The following PTPRH variants were observed in gnomAD, a reference collection of about 807,000 sequenced individuals.
The protein encoded by PTPRH is receptor-type tyrosine-protein phosphatase H.
Under a neutral mutation model 130.2 loss-of-function variants are expected in PTPRH, and 113 were observed. The ratio of observed to expected loss-of-function variants is 0.87; its 90% CI spans 0.75 to 1.01. The LOEUF (loss-of-function observed/expected upper bound fraction) is 1.01, where lower values mean the gene tolerates loss of function less well. Ranked by LOEUF, PTPRH falls within the 50% of genes least tolerant of loss-of-function variation. The probability of loss-of-function intolerance (pLI) is 0.00; values close to 1 mark genes in which losing one functional copy is unlikely to be tolerated. For missense variants in PTPRH, 1,430 were observed against 1,425.0 expected (o/e 1.00, Z -0.06); for synonymous variants, 556 against 577.9 (o/e 0.96, Z 0.54).
chr19:55,181,851 GCTGA>G lies in PTPRH; in HGVS notation c.3247_3250del (p.Ser1083ProfsTer34). 6.2e-7 allele frequency: 1 copy of G among 1,614,196 alleles called. No homozygotes were observed. Among genetic ancestry groups the G allele is most frequent in the Non-Finnish European group, 8.5e-7 (1 of 1,180,034 alleles). On this transcript the variant is annotated frameshift_variant, in exon 20 of 20. Coordinates refer to ENST00000376350, the MANE Select transcript of PTPRH (RefSeq NM_002842.5). LOFTEE classifies it low-confidence loss of function (END_TRUNC). ...GACTTCCTTCTCGGCTGGGGCCTGG[GCTGA>G]CTGTTGGAGGAACCGCAGGATGCAC...
At chr19:55,190,593 T>TTTATATA (rs559000975) in intron 12 of PTPRH, among the ~76,000 whole-genome samples, 2 of 135,402 alleles carry the variant, frequency 1.5e-5, no homozygotes, top group Admixed American at 8.3e-5. Context: ...ATATTATAAA[T>TTTATATA]TTATATATTA....
rs369408108 is a variant in PTPRH, at chr19:55,184,060, G to A, written c.3062+1442C>T. Reference sequence around the variant, plus strand: ...AGCACTTTGGGAGGCCGAGGTGGTCGGATCACTTGAGGTTGGGAGTTTGAG... The same window carrying A: ...AGCACTTTGGGAGGCCGAGGTGGTCAGATCACTTGAGGTTGGGAGTTTGAG... On this transcript the variant is annotated intron_variant, in intron 18 of 19. Transcript: ENST00000376350. Among the ~76,000 whole-genome samples the A allele has an allele frequency of 9.5e-4, 144 of 152,144 alleles. 3 individuals are homozygous for A. In the South Asian group the frequency reaches 0.018, roughly 20 times the overall value.
At chr19:55,191,095 G>A (rs2086521974) in intron 12 of PTPRH, among the ~76,000 whole-genome samples, 1 of 152,206 alleles carries the variant, frequency 6.6e-6, no homozygotes, top group Non-Finnish European at 1.5e-5. Flanking sequence ...GCCTGCCTCA[G>A]CTTCCCAAAG....
At chr19:55,188,297 G>C in intron 12 of PTPRH, 129 bp from the exon 13 acceptor site, 1 of 685,320 alleles carries the variant, frequency 1.5e-6, no homozygotes, top group Non-Finnish European at 2.6e-6. Context: ...TGGATCACCT[G>C]AGGTCAGGAG....
rs2086695055 is a variant in PTPRH, at chr19:55,196,780, T to C, written c.1999A>G (p.Thr667Ala). 2 of 1,612,482 alleles carry C rather than the reference T, an allele frequency of 1.2e-6. No homozygotes were observed. Among genetic ancestry groups the C allele is most frequent in the African/African-American group, 1.3e-5 (1 of 75,014 alleles). The stretch of plus-strand genomic sequence containing the variant: ...CTGACACAGGAAGTGATGGTGACTG[T>C]GTCTGGGTCTGGGTGAAGGAAGCAA... ...QSLCASTYPDTVTITSCVSTS... is the reference protein window; with the variant it reads ...QSLCASTYPDAVTITSCVSTS... The change falls in exon 10 of 20, where the codon ACA becomes GCA. Residue 667 changes from threonine to alanine, a missense_variant. Coordinates refer to ENST00000376350, the MANE Select transcript of PTPRH (RefSeq NM_002842.5).
chr19:55,198,599 C>A lies in PTPRH; in HGVS notation c.1690+44G>T, dbSNP rs367954358. 4.7e-6 allele frequency: 7 copies of A among 1,504,386 alleles called. No homozygotes were observed. The highest frequency in any genetic ancestry group is 6.2e-6 in the Non-Finnish European group (7 of 1,122,654). 93.2% of individuals were successfully genotyped at this position (1,504,386 alleles called of 1,614,324 possible). A position where few individuals can be genotyped will look rare whatever the true frequency, so the allele number is the denominator to read the frequency against. On this transcript the variant is annotated intron_variant, in intron 8 of 19. Coordinates refer to ENST00000376350, the MANE Select transcript of PTPRH (RefSeq NM_002842.5). ...CCAAAGTCCTTTCATCTTTTTCCTT[C>A]CCCCATCCTAATAGGGCTGGGTTCA...
At chr19:55,198,955 C>T in intron 7 of PTPRH, 43 bp from the exon 8 acceptor site, 1 of 1,481,114 alleles carries the variant, frequency 6.8e-7, no homozygotes, top group Non-Finnish European at 9.0e-7. Flanking sequence ...TCCCCTAGTC[C>T]TCAAGAGTCC....
Position 55,202,152 on chromosome 19 carries a change from C to T in PTPRH, c.1057G>A (p.Val353Met), listed in dbSNP as rs749527880. Residue 353 changes from valine (V) to methionine (M), a missense_variant, in exon 6 of 20, where the codon GTG (valine) becomes ATG (methionine). By Grantham distance (21) the Val-to-Met change is conservative (BLOSUM62 1). Transcript: ENST00000376350. The part of the protein sequence containing the change: ...TRSTAHTNIT[V>M]DRLEPGCLYV... ...AAACACCCGGGTTCAAGTCTATCCA[C>T]GGTGATGTTGGTGTGTGCTGTGCTT... 26 of 1,614,090 alleles carry T rather than the reference C, an allele frequency of 1.6e-5. No homozygotes were observed. Among genetic ancestry groups the T allele is most frequent in the Middle Eastern group, 1.6e-4 (1 of 6,084 alleles).
At chr19:55,184,164 A>T (rs1599963774) in intron 18 of PTPRH, among the ~76,000 whole-genome samples, 1 of 151,318 alleles carries the variant, frequency 6.6e-6, no homozygotes, top group East Asian at 2.0e-4. Context: ...CATGCCTGTA[A>T]TCCCAGCTAC....
Position 55,194,325 on chromosome 19 carries a change from G to C in PTPRH, c.2257+2197C>G, listed in dbSNP as rs767374387. 1.4e-5 allele frequency: 18 copies of C among 1,281,546 alleles called. No homozygotes were observed. The East Asian group carries it at 7.8e-4, about 56-fold the overall frequency. 79.4% of individuals were successfully genotyped at this position (1,281,546 alleles called of 1,614,324 possible). A position where few individuals can be genotyped will look rare whatever the true frequency, so the allele number is the denominator to read the frequency against. On this transcript the variant is annotated intron_variant, in intron 10 of 19. Coordinates refer to ENST00000376350, the MANE Select transcript of PTPRH (RefSeq NM_002842.5). ...TGGGAAGAGTGTGTTTGTTGACAGG[G>C]AACTGAAGGGTCTTACAACCTGTAC...
intron 16 of PTPRH, 78 bp downstream of exon 16, chr19:55,186,147 G>A: frequency 6.4e-7 from 1 of 1,572,100 alleles, no homozygotes; most frequent in Admixed American, 1.7e-5. Context: ...CGTAAGGTCT[G>A]GGTGTGGGGT....
chr19:55,182,836 G>A (rs2086214416), intron 18 of PTPRH, among the ~76,000 whole-genome samples: 1 of 151,872 alleles, frequency 6.6e-6, no homozygotes, highest in Non-Finnish European at 1.5e-5. Context: ...TCTCTGTCAC[G>A]AAGGCTGAAG....
At chr19:55,186,419 C>G (rs2086328259) in intron 15 of PTPRH, 45 bp downstream of exon 15, 1 of 1,613,690 alleles carries the variant, frequency 6.2e-7, no homozygotes, top group Admixed American at 1.7e-5. Context: ...GCTCTTATCT[C>G]TCCAGGCGTG....
At chr19:55,206,207 T>G (rs964269114) in intron 3 of PTPRH, among the ~76,000 whole-genome samples, 2 of 150,308 alleles carry the variant, frequency 1.3e-5, no homozygotes, top group Non-Finnish European at 3.0e-5. Context: ...CACTCCAACC[T>G]GGGCGACAGA....
chr19:55,195,352 G>T (rs1600031753), intron 10 of PTPRH, among the ~76,000 whole-genome samples: 1 of 139,432 alleles, frequency 7.2e-6, no homozygotes, highest in Non-Finnish European at 1.5e-5. Flanking sequence ...AAAATAAAAA[G>T]TTAGCCAAGC....
At chr19:55,194,345 C>T (rs1360139985) in intron 10 of PTPRH, 2 of 1,260,358 alleles carry the variant, frequency 1.6e-6, no homozygotes, top group Admixed American at 2.5e-5. Flanking sequence ...GTCTTACAAC[C>T]TGTACGGGAG....
chr19:55,206,039 C>A (rs1307768866), intron 3 of PTPRH, among the ~76,000 whole-genome samples: 2 of 152,110 alleles, frequency 1.3e-5, no homozygotes, highest in Non-Finnish European at 2.9e-5. Context: ...TCGAGACCAG[C>A]CTGGCCAACA....
In PTPRH at chr19:55,196,678, C is replaced by T; in HGVS notation, c.2101G>A (p.Gly701Arg). The T allele has an allele frequency of 1.2e-6, 2 of 1,614,070 alleles. No individual in the cohort carries two copies. Among genetic ancestry groups the T allele is most frequent in the Admixed American group, 1.7e-5 (1 of 60,008 alleles). Residue 701 changes from glycine (G) to arginine (R), a missense_variant, in exon 10 of 20, where the codon GGA (glycine) becomes AGA (arginine). Gly to Arg is a moderately radical substitution (Grantham distance 125). Transcript: ENST00000376350. ...GGYEAFELEV[G>R]GQRGSQDRSS... The stretch of plus-strand genomic sequence containing the variant: ...CTGTCCTGGGAGCCCCGCTGTCCTC[C>T]CACCTCCAACTCAAAGGCCTCGTAG...
chr19:55,186,396 AGTT>A, intron 15 of PTPRH, 37 bp from the exon 16 acceptor site: 2 of 1,612,462 alleles, frequency 1.2e-6, no homozygotes, highest in South Asian at 2.2e-5. Flanking sequence ...GGGGGCCTTT[AGTT>A]GATCCCCGAG....
Sources: gnomAD v4.1 joint callset for allele counts (sites outside exome capture counted in the v4.1 genomes callset) on GRCh38, gnomAD v4.1.1 for gene constraint, MANE v1.5 for transcripts, NCBI Gene and HGNC (gene_info 2026-07-23, HGNC 2026-07-21) for gene names.